CPEB1: variants seen among roughly 807,000 people sequenced by gnomAD.
The protein encoded by CPEB1 is cytoplasmic polyadenylation element binding protein 1.
In CPEB1, 7 loss-of-function variants were observed where a neutral mutation model predicts 65.8. The ratio of observed to expected loss-of-function variants is 0.11; its 90% CI spans 0.06 to 0.20. The LOEUF is 0.20. CPEB1 is among the 10% of genes least tolerant of loss of function. The pLI, the probability that CPEB1 is intolerant of heterozygous loss-of-function variation, is 1.00. For synonymous variants in CPEB1, 262 were observed against 260.0 expected (o/e 1.01, Z -0.08); for missense variants, 551 against 712.2 (o/e 0.77, Z 2.58).
intron 3 of CPEB1, among the ~76,000 whole-genome samples, chr15:82,581,176 A>G (rs2041248031): frequency 6.6e-6 from 1 of 152,106 alleles, no homozygotes; most frequent in Non-Finnish European, 1.5e-5. Flanking sequence ...GGATTTTGCT[A>G]TGTTGTCCAG....
intron 3 of CPEB1, among the ~76,000 whole-genome samples, chr15:82,592,840 C>CA (rs1051917159): frequency 1.3e-5 from 2 of 151,646 alleles, no homozygotes; most frequent in Admixed American, 6.6e-5. Flanking sequence ...ACTAAAAATA[C>CA]AAAAAAATTA....
intron 4 of CPEB1, among the ~76,000 whole-genome samples, chr15:82,563,074 C>T (rs1400717406): frequency 6.6e-6 from 1 of 152,158 alleles, no homozygotes; most frequent in African/African-American, 2.4e-5. Flanking sequence ...TAAGGATTAT[C>T]ATAGTTTCAG....
chr15:82,605,242 T>C (rs541142388), intron 3 of CPEB1, among the ~76,000 whole-genome samples: 1 of 152,238 alleles, frequency 6.6e-6, no homozygotes, highest in Non-Finnish European at 1.5e-5. Flanking sequence ...AGAGCATCTT[T>C]CCCAGTGAAG....
chr15:82,639,664 G>A (rs1596144705), intron 1 of CPEB1, among the ~76,000 whole-genome samples: 1 of 152,140 alleles, frequency 6.6e-6, no homozygotes, highest in African/African-American at 2.4e-5. Flanking sequence ...GTGTCTTTTA[G>A]CTACCATCTG....
chr15:82,600,028 G>A (rs2042971175), intron 3 of CPEB1, among the ~76,000 whole-genome samples: 1 of 152,120 alleles, frequency 6.6e-6, no homozygotes, highest in Non-Finnish European at 1.5e-5. Context: ...GGAAATATAT[G>A]AGGAGATAAT....
chr15:82,592,862 T>A (rs1014874470), intron 3 of CPEB1, among the ~76,000 whole-genome samples: 3 of 152,138 alleles, frequency 2.0e-5, no homozygotes, highest in African/African-American at 7.2e-5. Flanking sequence ...CCGGGCATGG[T>A]GGCACATGCC....
At chr15:82,607,809 A>C (rs2043769273) in intron 3 of CPEB1, among the ~76,000 whole-genome samples, 1 of 152,244 alleles carries the variant, frequency 6.6e-6, no homozygotes, top group Non-Finnish European at 1.5e-5. Flanking sequence ...CAATGAACCT[A>C]ACACAGACCA....
At chr15:82,559,877 A>G (rs962686544) in intron 4 of CPEB1, among the ~76,000 whole-genome samples, 3 of 152,146 alleles carry the variant, frequency 2.0e-5, no homozygotes, top group South Asian at 2.1e-4. Flanking sequence ...TGAGGTCAGG[A>G]GTTTGAAACC....
chr15:82,644,135 T>C (rs145266167), intron 1 of CPEB1, among the ~76,000 whole-genome samples: 59 of 152,306 alleles, frequency 3.9e-4, no homozygotes, highest in Middle Eastern at 6.8e-3. Flanking sequence ...TGTGGAATGA[T>C]AGACACAGCA....
At chr15:82,646,075 C>T (rs1385535136) in intron 1 of CPEB1, among the ~76,000 whole-genome samples, 1 of 152,240 alleles carries the variant, frequency 6.6e-6, no homozygotes, top group East Asian at 1.9e-4. Context: ...TGCAAAAAAC[C>T]AACCAGGAAA....
chr15:82,623,164 C>A (rs1207666255), intron 3 of CPEB1, among the ~76,000 whole-genome samples: 1 of 152,194 alleles, frequency 6.6e-6, no homozygotes. Flanking sequence ...TAATTCTCTT[C>A]AAAGCCTATT....
chr15:82,586,768 T>C (rs188309816), intron 3 of CPEB1, among the ~76,000 whole-genome samples: 95 of 152,332 alleles, frequency 6.2e-4, no homozygotes, highest in African/African-American at 2.1e-3. Flanking sequence ...CTCCCCTCTA[T>C]ACTTAGCGAC....
At chr15:82,635,882 C>T (rs780156424) in intron 1 of CPEB1, among the ~76,000 whole-genome samples, 1 of 152,106 alleles carries the variant, frequency 6.6e-6, no homozygotes, top group Non-Finnish European at 1.5e-5. Flanking sequence ...AGAACAAGCA[C>T]AGAGAGGATA....
intron 1 of CPEB1, among the ~76,000 whole-genome samples, chr15:82,634,110 G>C (rs1479688733): frequency 6.6e-6 from 1 of 151,826 alleles, no homozygotes; most frequent in Admixed American, 6.6e-5. Context: ...CTGTTACTCA[G>C]AGGTATGGTT....
chr15:82,600,897 C>CTTT (rs751843256), intron 3 of CPEB1, among the ~76,000 whole-genome samples: 22 of 64,160 alleles, frequency 3.4e-4, no homozygotes, highest in East Asian at 4.9e-4. Context: ...CAGAACTTGT[C>CTTT]TTTTTTTTTT....
intron 3 of CPEB1, among the ~76,000 whole-genome samples, chr15:82,618,075 T>A (rs2044924305): frequency 1.3e-5 from 2 of 152,102 alleles, no homozygotes; most frequent in South Asian, 4.1e-4. Context: ...TTGAAAGCTA[T>A]TCTAAAATGT....
chr15:82,550,511 A>C (rs1210633102), intron 9 of CPEB1, among the ~76,000 whole-genome samples: 3 of 152,214 alleles, frequency 2.0e-5, no homozygotes, highest in African/African-American at 7.2e-5. Context: ...CAGGATGGGC[A>C]AGCAAGGAAG....
At chr15:82,552,747 G>A in intron 8 of CPEB1, 131 bp from the exon 9 acceptor site, 1 of 1,013,962 alleles carries the variant, frequency 9.9e-7, no homozygotes, top group Non-Finnish European at 1.5e-6. Context: ...TTTTACTCCT[G>A]AAAAGTCGTG....
At chr15:82,636,813 C>T (rs979065926) in intron 1 of CPEB1, among the ~76,000 whole-genome samples, 1 of 152,134 alleles carries the variant, frequency 6.6e-6, no homozygotes, top group African/African-American at 2.4e-5. Flanking sequence ...GTATTTTTAC[C>T]ACCTCACTCA....
Sources: gnomAD v4.1 joint callset for allele counts (sites outside exome capture counted in the v4.1 genomes callset) on GRCh38, gnomAD v4.1.1 for gene constraint, MANE v1.5 for transcripts, NCBI Gene and HGNC (gene_info 2026-07-23, HGNC 2026-07-21) for gene names.